The following LRRC7 variants were observed in gnomAD, a reference collection of about 807,000 sequenced individuals.
The protein encoded by LRRC7 is leucine-rich repeat-containing protein 7.
In LRRC7, 23 loss-of-function variants were observed where a neutral mutation model predicts 175.7. The ratio of observed to expected loss-of-function variants is 0.13; its 90% CI spans 0.09 to 0.19. The LOEUF is 0.19. Among genes scored for constraint, LRRC7 ranks in the 10% least tolerant of loss-of-function variants. The pLI, the probability that LRRC7 is intolerant of heterozygous loss-of-function variation, is 1.00. For missense variants in LRRC7, 1,354 were observed against 1,904.7 expected (o/e 0.71, Z 5.38); for synonymous variants, 685 against 680.9 (o/e 1.01, Z -0.09).
intron 23 of LRRC7, among the ~76,000 whole-genome samples, chr1:70,066,138 C>T (rs759124373): frequency 7.9e-5 from 12 of 151,950 alleles, no homozygotes; most frequent in African/African-American, 1.2e-4. Context: ...TAGACCTTCA[C>T]TCTGCAGATA....
chr1:69,957,899 C>T (rs1650664573), intron 8 of LRRC7, among the ~76,000 whole-genome samples: 1 of 151,832 alleles, frequency 6.6e-6, no homozygotes, highest in African/African-American at 2.4e-5. Flanking sequence ...TTTATCTACT[C>T]TAGAAATGAA....
Position 70,058,121 on chromosome 1 carries a change from C to T in LRRC7, c.4230+4976C>T, listed in dbSNP as rs534022778. Among the ~76,000 whole-genome samples, 10 of 151,478 alleles carry T rather than the reference C, an allele frequency of 6.6e-5. No homozygotes were observed. In the East Asian group the frequency reaches 7.8e-4, roughly 12 times the overall value. The stretch of plus-strand genomic sequence containing the variant: ...CCATCCTGGGTTCAAGTGATTCGCG[C>T]GCCTCACCCTCCCAAGTAGCTGGGA... On this transcript the variant is annotated intron_variant, in intron 23 of 26. Transcript: ENST00000651989.
Position 70,124,735 on chromosome 1 carries a change from A to G in LRRC7, c.*2848A>G, listed in dbSNP as rs1256095761. Among the ~76,000 whole-genome samples the G allele has an allele frequency of 6.6e-6, 1 of 150,868 alleles. No homozygotes were observed. The highest frequency in any genetic ancestry group is 1.5e-5 in the Non-Finnish European group (1 of 67,612). ...AATCTGGTTATTTTAACAATAAAAA[A>G]AAGTCAAGGGTGTGCCTTTTAAAAA... On this transcript the variant is annotated 3_prime_UTR_variant, in exon 27 of 27. Transcript: ENST00000651989.
chr1:70,106,927 A>T (rs1360660860), intron 25 of LRRC7, among the ~76,000 whole-genome samples: 3 of 152,158 alleles, frequency 2.0e-5, no homozygotes, highest in Admixed American at 2.0e-4. Context: ...TATTTTTACA[A>T]TCTGTTATAC....
chr1:69,898,715 G>A (rs188476915), intron 7 of LRRC7, among the ~76,000 whole-genome samples: 75 of 151,164 alleles, frequency 5.0e-4, no homozygotes, highest in African/African-American at 1.8e-3. Flanking sequence ...ATTCTAAGTG[G>A]TCAGGAACTT....
chr1:69,867,028 T>C (rs998124892), intron 7 of LRRC7, among the ~76,000 whole-genome samples: 2 of 152,276 alleles, frequency 1.3e-5, no homozygotes, highest in Non-Finnish European at 2.9e-5. Context: ...AAGTCTCTAT[T>C]ACAGAGAACT....
intron 2 of LRRC7, among the ~76,000 whole-genome samples, chr1:69,758,425 A>G (rs1481276363): frequency 6.6e-6 from 1 of 152,070 alleles, no homozygotes; most frequent in Non-Finnish European, 1.5e-5. Flanking sequence ...GAAGTTGAAC[A>G]ATGAAAAAGG....
chr1:70,050,020 G>A (rs1019813092), intron 22 of LRRC7, among the ~76,000 whole-genome samples: 7 of 152,102 alleles, frequency 4.6e-5, no homozygotes, highest in African/African-American at 1.7e-4. Context: ...GATTTCACAA[G>A]CATACTGTAC....
Position 70,122,642 on chromosome 1 carries a change from A to T in LRRC7, c.*755A>T, listed in dbSNP as rs1332837662. The T allele has an allele frequency of 2.0e-5, 3 of 152,234 alleles. No individual in the cohort carries two copies. The highest frequency in any genetic ancestry group is 7.2e-5 in the African/African-American group (3 of 41,578). The allele number at this position is 152,234 out of a possible 1,614,324, so 9.4% of individuals were successfully genotyped here. On this transcript the variant is annotated 3_prime_UTR_variant, in exon 27 of 27. Transcript: ENST00000651989. ...CAATGCCTTTAGCTAATTACAATAC[A>T]TGCAGAGTTTAGAAACAGACTAAAG...
intron 8 of LRRC7, among the ~76,000 whole-genome samples, chr1:69,973,127 A>G (rs1652437524): frequency 1.3e-5 from 2 of 150,706 alleles, no homozygotes; most frequent in South Asian, 4.2e-4. Flanking sequence ...AATTAATGGC[A>G]TTCACAGCAA....
intron 5 of LRRC7, among the ~76,000 whole-genome samples, chr1:69,832,061 C>T (rs1213038400): frequency 1.3e-5 from 2 of 152,148 alleles, no homozygotes; most frequent in East Asian, 1.9e-4. Context: ...TTTTAGATTC[C>T]CCAGAAGCAG....
chr1:70,029,572 A>G (rs1040210703), intron 18 of LRRC7, among the ~76,000 whole-genome samples: 3 of 152,162 alleles, frequency 2.0e-5, no homozygotes, highest in Non-Finnish European at 4.4e-5. Flanking sequence ...TTTCCAAAAT[A>G]TTATGCACAT....
At chr1:69,742,481 TTTAGA>T (rs1449035529) in intron 2 of LRRC7, among the ~76,000 whole-genome samples, 22 of 152,046 alleles carry the variant, frequency 1.4e-4, no homozygotes, top group African/African-American at 3.9e-4. Flanking sequence ...GTTTAGCATC[TTTAGA>T]TTAGATGTTC....
rs745982120 is a variant in LRRC7 at position 70,128,974 on chromosome 1, G to A, written c.*7087G>A. Among the ~76,000 whole-genome samples the A allele has an allele frequency of 7.9e-5, 12 of 151,916 alleles. No homozygotes were observed. Among genetic ancestry groups the A allele is most frequent in the South Asian group, 2.1e-4 (1 of 4,824 alleles). Reference sequence around the variant, plus strand: ...TAAAGAGTGTCACGAAGCCGGGTGCGGTGACTTATGCCTGTAATCCCAGCA... The same window carrying A: ...TAAAGAGTGTCACGAAGCCGGGTGCAGTGACTTATGCCTGTAATCCCAGCA... On this transcript the variant is annotated 3_prime_UTR_variant, in exon 27 of 27. Transcript: ENST00000651989.
intron 4 of LRRC7, among the ~76,000 whole-genome samples, chr1:69,794,772 G>T (rs929540884): frequency 6.6e-6 from 1 of 152,102 alleles, no homozygotes; most frequent in Non-Finnish European, 1.5e-5. Flanking sequence ...GCATGTAAAA[G>T]TTTCTGATGG....
chr1:69,853,129 A>G (rs1683171926), intron 7 of LRRC7, among the ~76,000 whole-genome samples: 1 of 152,092 alleles, frequency 6.6e-6, no homozygotes, highest in Admixed American at 6.6e-5. Flanking sequence ...AAACTAATAA[A>G]TTATAAATAC....
At chr1:70,059,598 T>TA (rs1387784161) in intron 23 of LRRC7, among the ~76,000 whole-genome samples, 1 of 147,160 alleles carries the variant, frequency 6.8e-6, no homozygotes, top group Admixed American at 6.8e-5. Flanking sequence ...TTTTCTAAAA[T>TA]ACTTTTTTAA....
At chr1:69,833,238 T>C (rs1420998214) in intron 5 of LRRC7, among the ~76,000 whole-genome samples, 1 of 152,216 alleles carries the variant, frequency 6.6e-6, no homozygotes, top group Admixed American at 6.5e-5. Flanking sequence ...AATCTAATAC[T>C]AATTTTTTTA....
intron 7 of LRRC7, among the ~76,000 whole-genome samples, chr1:69,890,649 A>T (rs1001041744): frequency 6.6e-6 from 1 of 152,186 alleles, no homozygotes; most frequent in Non-Finnish European, 1.5e-5. Flanking sequence ...TTAGCTTTGA[A>T]TGTCCCAGAT....
Sources: allele counts gnomAD v4.1 joint callset (sites outside exome capture counted in the v4.1 genomes callset), GRCh38; gene constraint gnomAD v4.1.1; transcripts MANE v1.5; gene names NCBI Gene and HGNC (gene_info 2026-07-23, HGNC 2026-07-21).